Variants in ARHGAP31 observed in about 807,000 individuals in gnomAD.
ARHGAP31 encodes Rho GTPase activating protein 31, also known as rho GTPase-activating protein 31.
In ARHGAP31, 34 loss-of-function variants were observed where a neutral mutation model predicts 113.9. That is an observed-to-expected ratio of 0.30 (90% CI 0.23 to 0.40). The LOEUF (loss-of-function observed/expected upper bound fraction) is 0.40, where lower values mean the gene tolerates loss of function less well. ARHGAP31 is among the 10% of genes least tolerant of loss of function. The pLI is 1.00. For synonymous variants in ARHGAP31, 650 were observed against 684.8 expected (o/e 0.95, Z 0.79); for missense variants, 1,548 against 1,767.1 (o/e 0.88, Z 2.22).
At chr3:119,379,176 A>G (rs973370398) in intron 3 of ARHGAP31, among the ~76,000 whole-genome samples, 5 of 152,138 alleles carry the variant, frequency 3.3e-5, no homozygotes, top group Admixed American at 6.5e-5. Context: ...TTCTGGACAC[A>G]GGGATTCATC....
intron 10 of ARHGAP31, 86 bp from the exon 11 acceptor site, chr3:119,409,410 C>T: frequency 6.6e-7 from 1 of 1,507,730 alleles, no homozygotes; most frequent in Non-Finnish European, 9.2e-7. Context: ...TGAAACAGGG[C>T]CAGGAGACAG....
intron 1 of ARHGAP31, among the ~76,000 whole-genome samples, chr3:119,356,807 G>A (rs768115680): frequency 2.6e-5 from 4 of 152,128 alleles, no homozygotes; most frequent in Non-Finnish European, 4.4e-5. Flanking sequence ...TTAGCAACCT[G>A]CTGTTGATGA....
At chr3:119,393,272 A>C (rs1203109669) in intron 7 of ARHGAP31, among the ~76,000 whole-genome samples, 195 bp from the exon 8 acceptor site, 4 of 152,146 alleles carry the variant, frequency 2.6e-5, no homozygotes, top group Non-Finnish European at 5.9e-5. Flanking sequence ...GTGACTCATG[A>C]AAGCCTTGCT....
chr3:119,316,184 C>A (rs1205741504), intron 1 of ARHGAP31, among the ~76,000 whole-genome samples: 3 of 152,230 alleles, frequency 2.0e-5, no homozygotes, highest in African/African-American at 7.2e-5. Context: ...TCAGCTTCCT[C>A]ATCTGTAAAA....
chr3:119,395,426 A>G (rs2080542358), intron 8 of ARHGAP31, among the ~76,000 whole-genome samples: 1 of 152,178 alleles, frequency 6.6e-6, no homozygotes, highest in South Asian at 2.1e-4. Flanking sequence ...TGATTTCTCC[A>G]TGTTTTCCCC....
intron 6 of ARHGAP31, among the ~76,000 whole-genome samples, chr3:119,386,179 A>G (rs532581899): frequency 1.3e-5 from 2 of 152,392 alleles, no homozygotes; most frequent in East Asian, 3.9e-4. Flanking sequence ...AATAAGCCCT[A>G]TTCTCTGGAA....
intron 1 of ARHGAP31, among the ~76,000 whole-genome samples, chr3:119,336,208 T>C (rs1559971131): frequency 2.6e-5 from 4 of 152,296 alleles, no homozygotes; most frequent in Admixed American, 6.5e-5. Flanking sequence ...GGTTCTGAGT[T>C]AAGAAGTCTA....
intron 1 of ARHGAP31, among the ~76,000 whole-genome samples, chr3:119,357,613 G>A (rs559363191): frequency 6.6e-6 from 1 of 151,930 alleles, no homozygotes; most frequent in Admixed American, 6.5e-5. Flanking sequence ...ATTCGAAAGT[G>A]AAATAATAAT....
intron 1 of ARHGAP31, among the ~76,000 whole-genome samples, chr3:119,307,960 A>AAAAAAAAAAAAAAAAAAAAAAC (rs2079645557): frequency 6.7e-6 from 1 of 150,084 alleles, no homozygotes; most frequent in Non-Finnish European, 1.5e-5. Context: ...AAAAAAAAAA[A>AAAAAAAAAAAAAAAAAAAAAAC]GCTCAATCTT....
intron 1 of ARHGAP31, among the ~76,000 whole-genome samples, chr3:119,356,421 G>A (rs1470448174): frequency 6.6e-6 from 1 of 151,670 alleles, no homozygotes; most frequent in African/African-American, 2.4e-5. Flanking sequence ...ACCTGAGGTC[G>A]GGAGTTCAAG....
At chr3:119,344,945 T>C (rs1354376512) in intron 1 of ARHGAP31, among the ~76,000 whole-genome samples, 1 of 144,986 alleles carries the variant, frequency 6.9e-6, no homozygotes, top group Non-Finnish European at 1.5e-5. Context: ...GAAATTTCAC[T>C]GCTGGTGGGA....
chr3:119,317,925 T>C (rs919984354), intron 1 of ARHGAP31, among the ~76,000 whole-genome samples: 3 of 152,104 alleles, frequency 2.0e-5, no homozygotes, highest in African/African-American at 4.8e-5. Context: ...CCAGTTGAAG[T>C]AGTGAATAGG....
intron 1 of ARHGAP31, among the ~76,000 whole-genome samples, chr3:119,299,242 C>T (rs1370703897): frequency 6.6e-6 from 1 of 152,204 alleles, no homozygotes; most frequent in Admixed American, 6.5e-5. Flanking sequence ...GATACTTAGG[C>T]AGGTTGTAAT....
At chr3:119,341,862 A>C (rs59525941) in intron 1 of ARHGAP31, 131 of 150,870 alleles carry the variant, frequency 8.7e-4, no homozygotes, top group African/African-American at 3.1e-3. Context: ...GTGAAATTTC[A>C]TGTCATCCTT....
chr3:119,376,544 T>G (rs2080350485), intron 3 of ARHGAP31, among the ~76,000 whole-genome samples: 1 of 152,170 alleles, frequency 6.6e-6, no homozygotes, highest in Admixed American at 6.5e-5. Flanking sequence ...CCCAAAGCCT[T>G]TGTACCTGCT....
At chr3:119,311,212 C>T (rs1241522800) in intron 1 of ARHGAP31, among the ~76,000 whole-genome samples, 8 of 152,290 alleles carry the variant, frequency 5.3e-5, no homozygotes, top group Non-Finnish European at 7.4e-5. Context: ...AAGAAGAAAA[C>T]GAGCTCCTTG....
chr3:119,385,443 C>T (rs2080441144), intron 6 of ARHGAP31, among the ~76,000 whole-genome samples: 1 of 152,088 alleles, frequency 6.6e-6, no homozygotes, highest in African/African-American at 2.4e-5. Flanking sequence ...TATACGTTTT[C>T]AATTCTCTTT....
intron 1 of ARHGAP31, among the ~76,000 whole-genome samples, chr3:119,352,330 T>G (rs2080116699): frequency 6.6e-6 from 1 of 152,172 alleles, no homozygotes. Context: ...AGGCACCCTG[T>G]GGGAGTCCCT....
Position 119,419,501 on chromosome 3 carries a change from G to C in ARHGAP31, c.*3237G>C, listed in dbSNP as rs563222883. On this transcript the variant is annotated 3_prime_UTR_variant, in exon 12 of 12. Coordinates refer to ENST00000264245, the MANE Select transcript of ARHGAP31 (RefSeq NM_020754.4). ...ATCATCCTTAGCAAATATTTATTGG[G>C]AGCTTAGTAATAGTGCACTGGGTAC... The C allele has an allele frequency of 2.0e-5, 3 of 152,146 alleles. No homozygotes were observed. The highest frequency in any genetic ancestry group is 1.3e-4 in the Admixed American group (2 of 15,280). The allele number at this position is 152,146 out of a possible 1,614,324, so 9.4% of individuals were successfully genotyped here. A position where few individuals can be genotyped will look rare whatever the true frequency, so the allele number is the denominator to read the frequency against.
Sources: gnomAD v4.1 joint callset for allele counts (sites outside exome capture counted in the v4.1 genomes callset) on GRCh38, gnomAD v4.1.1 for gene constraint, MANE v1.5 for transcripts, NCBI Gene and HGNC (gene_info 2026-07-23, HGNC 2026-07-21) for gene names.